Variants in MDGA2 observed in about 807,000 individuals in gnomAD.
The protein encoded by MDGA2 is MAM domain-containing glycosylphosphatidylinositol anchor protein 2.
In MDGA2, 40 loss-of-function variants were observed where a neutral mutation model predicts 117.8. That is an observed-to-expected ratio of 0.34 (90% CI 0.26 to 0.44). The LOEUF (loss-of-function observed/expected upper bound fraction) is 0.44, where lower values mean the gene tolerates loss of function less well. MDGA2 is among the 20% of genes least tolerant of loss of function. The pLI, the probability that MDGA2 is intolerant of heterozygous loss-of-function variation, is 1.00. For synonymous variants in MDGA2, 452 were observed against 439.0 expected (o/e 1.03, Z -0.37); for missense variants, 1,123 against 1,250.6 (o/e 0.90, Z 1.54).
intron 1 of MDGA2, among the ~76,000 whole-genome samples, chr14:47,462,137 G>C (rs908730599): frequency 2.0e-5 from 3 of 152,112 alleles, no homozygotes; most frequent in Non-Finnish European, 4.4e-5. Context: ...CAGCACTTTG[G>C]GAGGCCGAGG....
At chr14:47,115,979 G>T (rs533020392) in intron 5 of MDGA2, among the ~76,000 whole-genome samples, 3 of 151,906 alleles carry the variant, frequency 2.0e-5, no homozygotes, top group African/African-American at 7.2e-5. Flanking sequence ...AACTGAAAAG[G>T]AACGAGTGAA....
chr14:47,055,803 TATC>T (rs1889654329), intron 7 of MDGA2, among the ~76,000 whole-genome samples: 1 of 152,156 alleles, frequency 6.6e-6, no homozygotes, highest in South Asian at 2.1e-4. Flanking sequence ...GCTTGCCCAT[TATC>T]ATAGCAGAGT....
chr14:47,626,653 G>T (rs541963086), intron 1 of MDGA2: 14 of 152,670 alleles, frequency 9.2e-5, no homozygotes, highest in African/African-American at 2.6e-4. Context: ...CACTGGGAGC[G>T]GCCGGCCAGC....
At chr14:47,469,196 T>C (rs1893666873) in intron 1 of MDGA2, among the ~76,000 whole-genome samples, 1 of 152,134 alleles carries the variant, frequency 6.6e-6, no homozygotes, top group African/African-American at 2.4e-5. Flanking sequence ...AGGGTACATG[T>C]GCACAATGTG....
intron 1 of MDGA2, among the ~76,000 whole-genome samples, chr14:47,634,102 A>G (rs1302635439): frequency 2.0e-5 from 3 of 152,114 alleles, no homozygotes; most frequent in African/African-American, 7.2e-5. Context: ...TGACTCAGTA[A>G]TCCTCTCTCA....
At chr14:47,600,413 G>A (rs1218188142) in intron 1 of MDGA2, among the ~76,000 whole-genome samples, 1 of 151,984 alleles carries the variant, frequency 6.6e-6, no homozygotes, top group Non-Finnish European at 1.5e-5. Flanking sequence ...CAGCTCGGAT[G>A]ACAGAGCAAG....
intron 1 of MDGA2, among the ~76,000 whole-genome samples, chr14:47,470,409 G>A (rs1301209389): frequency 1.3e-5 from 2 of 151,988 alleles, no homozygotes; most frequent in Non-Finnish European, 2.9e-5. Flanking sequence ...AATGATGGTT[G>A]CTAGCTTCAT....
intron 5 of MDGA2, among the ~76,000 whole-genome samples, chr14:47,129,508 T>G (rs1330473822): frequency 3.3e-5 from 5 of 149,568 alleles, no homozygotes; most frequent in Non-Finnish European, 7.4e-5. Flanking sequence ...ACATTTGGGT[T>G]GGTTCCAAGT....
intron 3 of MDGA2, among the ~76,000 whole-genome samples, chr14:47,164,027 T>A (rs1441295922): frequency 4.6e-5 from 7 of 152,234 alleles, no homozygotes. Context: ...CATTCTATGA[T>A]CGTAAAGCAA....
chr14:46,922,516 C>T (rs188249968), intron 9 of MDGA2, among the ~76,000 whole-genome samples: 68 of 152,118 alleles, frequency 4.5e-4, no homozygotes, highest in African/African-American at 1.5e-3. Flanking sequence ...TATCTCATAA[C>T]ATTAAAAAAG....
In MDGA2 at chr14:47,360,323, C is replaced by T. The variant is rs564666467; in HGVS notation, c.281-58773G>A. Among the ~76,000 whole-genome samples the T allele has an allele frequency of 3.2e-4, 47 of 148,750 alleles. 1 individual carries two copies. The East Asian group carries it at 8.7e-3, about 28-fold the overall frequency. On this transcript the variant is annotated intron_variant, in intron 1 of 16. Transcript: ENST00000399232. The stretch of plus-strand genomic sequence containing the variant: ...CCAAGATCGTGCCATTGCACTCCAG[C>T]CTGGGCAACAGGAGTGAGAGTCCAT...
At chr14:47,162,334 T>A (rs1456200553) in intron 3 of MDGA2, among the ~76,000 whole-genome samples, 4 of 152,114 alleles carry the variant, frequency 2.6e-5, no homozygotes, top group African/African-American at 9.7e-5. Context: ...TATAAAGGAA[T>A]CCTCACTGGA....
intron 1 of MDGA2, among the ~76,000 whole-genome samples, chr14:47,401,784 C>A (rs1892154389): frequency 6.6e-6 from 1 of 152,116 alleles, no homozygotes; most frequent in African/African-American, 2.4e-5. Context: ...AAACCCCATG[C>A]CAGCCAGTGT....
At chr14:47,175,450 C>G (rs1366846107) in intron 3 of MDGA2, among the ~76,000 whole-genome samples, 1 of 148,760 alleles carries the variant, frequency 6.7e-6, no homozygotes, top group African/African-American at 2.5e-5. Flanking sequence ...GCTTATCCAC[C>G]ATGATCAAGT....
At chr14:47,454,109 C>T (rs778270317) in intron 1 of MDGA2, among the ~76,000 whole-genome samples, 2 of 152,110 alleles carry the variant, frequency 1.3e-5, no homozygotes, top group Non-Finnish European at 2.9e-5. Context: ...GTGAAAACGG[C>T]CCCCAATAGG....
intron 1 of MDGA2, among the ~76,000 whole-genome samples, chr14:47,368,778 T>C (rs932376088): frequency 5.4e-5 from 5 of 93,046 alleles, no homozygotes; most frequent in African/African-American, 1.8e-4. Flanking sequence ...AGAAAGCGCA[T>C]AATTAGAGAG....
intron 7 of MDGA2, among the ~76,000 whole-genome samples, chr14:47,045,111 CA>C (rs756866366): frequency 6.6e-6 from 1 of 152,230 alleles, no homozygotes; most frequent in African/African-American, 2.4e-5. Flanking sequence ...GATGAAAGAA[CA>C]AAATAGAAAA....
intron 3 of MDGA2, among the ~76,000 whole-genome samples, chr14:47,212,835 A>T (rs953903569): frequency 3.3e-5 from 5 of 152,232 alleles, no homozygotes; most frequent in African/African-American, 1.2e-4. Flanking sequence ...TGTATACTCA[A>T]TTTTGTATCC....
chr14:46,871,253 C>T (rs992000609), intron 14 of MDGA2: 3 of 151,940 alleles, frequency 2.0e-5, no homozygotes, highest in African/African-American at 7.2e-5. Context: ...TCAAATATCT[C>T]ATTATGCTTT....
Sources: gnomAD v4.1 joint callset for allele counts (sites outside exome capture counted in the v4.1 genomes callset) on GRCh38, gnomAD v4.1.1 for gene constraint, MANE v1.5 for transcripts, NCBI Gene and HGNC (gene_info 2026-07-23, HGNC 2026-07-21) for gene names.